CAMKK1: variants seen among roughly 807,000 people sequenced by gnomAD.
The protein encoded by CAMKK1 is calcium/calmodulin dependent protein kinase kinase 1.
In CAMKK1, 20 loss-of-function variants were observed where a neutral mutation model predicts 63.5. The observed-to-expected ratio is 0.32, with a 90% confidence interval of 0.22 to 0.46. CAMKK1 has a LOEUF of 0.46. CAMKK1 is among the 20% of genes least tolerant of loss of function. The pLI, the probability that CAMKK1 is intolerant of heterozygous loss-of-function variation, is 1.00. For synonymous variants in CAMKK1, 253 were observed against 269.0 expected, an observed-to-expected ratio of 0.94 and a Z score of 0.58; for missense variants, 588 against 658.1, an observed-to-expected ratio of 0.89 and a Z score of 1.17.
chr17:3,866,118 C>G (rs1348246515), intron 14 of CAMKK1, 107 bp from the exon 15 acceptor site: 4 of 1,316,700 alleles, frequency 3.0e-6, no homozygotes, highest in Non-Finnish European at 4.2e-6. Context: ...CAGTGCGGGT[C>G]CCATCTCAAT....
chr17:3,875,943 G>A (rs55880238), intron 10 of CAMKK1, among the ~76,000 whole-genome samples: 1 of 152,184 alleles, frequency 6.6e-6, no homozygotes, highest in Non-Finnish European at 1.5e-5. Flanking sequence ...CCAGAGGGCA[G>A]GAAACAGGGT....
At chr17:3,874,343 G>C (rs2055043356) in intron 10 of CAMKK1, among the ~76,000 whole-genome samples, 1 of 152,104 alleles carries the variant, frequency 6.6e-6, no homozygotes, top group South Asian at 2.1e-4. Context: ...CAGGACAACT[G>C]ATAACATTTA....
At chr17:3,880,886 A>G (rs2055382006) in intron 8 of CAMKK1, among the ~76,000 whole-genome samples, 1 of 151,930 alleles carries the variant, frequency 6.6e-6, no homozygotes, top group Non-Finnish European at 1.5e-5. Flanking sequence ...ACAGATATGG[A>G]TAGCAATAGA....
intron 10 of CAMKK1, among the ~76,000 whole-genome samples, chr17:3,875,409 G>C (rs552234909): frequency 6.6e-6 from 1 of 151,966 alleles, no homozygotes; most frequent in South Asian, 2.1e-4. Context: ...GGCCTCCCAA[G>C]TAGCTGGGAC....
Position 3,883,262 on chromosome 17 carries a change from C to A in CAMKK1, c.515-87G>T. 1 of 1,570,578 alleles carries A rather than the reference C, an allele frequency of 6.4e-7. No individual in the cohort carries two copies. Among genetic ancestry groups the A allele is most frequent in the South Asian group, 1.1e-5 (1 of 89,202 alleles). Reference sequence around the variant, plus strand: ...AAACCAGTCTCAAGCAAGAGTCTTGCATGCCCGTGGTCTTGTCCCAACCCA... The same window carrying A: ...AAACCAGTCTCAAGCAAGAGTCTTGAATGCCCGTGGTCTTGTCCCAACCCA... On this transcript the variant is annotated intron_variant, in intron 5 of 15. Coordinates refer to ENST00000348335, the MANE Select transcript of CAMKK1 (RefSeq NM_032294.3). The surrounding 1 kb of genome is among the most constrained non-coding windows in gnomAD (Gnocchi z 4.7).
intron 14 of CAMKK1, among the ~76,000 whole-genome samples, chr17:3,868,966 T>G (rs1662837832): frequency 6.8e-6 from 1 of 146,656 alleles, no homozygotes; most frequent in Non-Finnish European, 1.5e-5. Context: ...CTTTCTTTTC[T>G]TTTCTTCTTT....
At chr17:3,867,988 CA>C (rs67326164) in intron 14 of CAMKK1, among the ~76,000 whole-genome samples, 19,155 of 83,478 alleles carry the variant, frequency 0.23, 2,339 homozygotes, top group African/African-American at 0.32. Flanking sequence ...GAGATGCAGG[CA>C]CCGTCTAACT....
Position 3,884,436 on chromosome 17 carries a change from G to T in CAMKK1, c.361-9C>A, listed in dbSNP as rs773250718. On this transcript the variant is annotated splice_polypyrimidine_tract_variant and intron_variant, in intron 2 of 15. Transcript: ENST00000348335. The surrounding 1 kb of genome is among the most constrained non-coding windows in gnomAD (Gnocchi z 4.5). ...TTCAGCTGCACGCAGTCCTGTGGGG[G>T]AAGAGCGAGCACCAGGTGGAGCTGG... 1 of 1,612,820 alleles carries T rather than the reference G, an allele frequency of 6.2e-7. No individual in the cohort carries two copies.
chr17:3,883,968 G>A lies in CAMKK1; in HGVS notation c.409-31C>T, dbSNP rs370118392. ...GATAGGCATCAGTCAGCCCCACCTG[G>A]ACAGGGCAACCCCTCCCAGGACCAG... On this transcript the variant is annotated intron_variant, in intron 3 of 15. Coordinates refer to ENST00000348335, the MANE Select transcript of CAMKK1 (RefSeq NM_032294.3). The surrounding 1 kb of genome is among the most constrained non-coding windows in gnomAD (Gnocchi z 4.7). The A allele has an allele frequency of 6.8e-6, 11 of 1,611,030 alleles. No individual in the cohort carries two copies. In the African/African-American group the frequency reaches 1.5e-4, roughly 22 times the overall value.
At chr17:3,878,589 C>T (rs527480395) in intron 9 of CAMKK1, among the ~76,000 whole-genome samples, 11 of 152,218 alleles carry the variant, frequency 7.2e-5, no homozygotes, top group Admixed American at 1.3e-4. Context: ...CAAAGCCCTC[C>T]CCTCTGTGTG....
In CAMKK1 at chr17:3,869,479, T is replaced by C; in HGVS notation, c.1341+8A>G. On this transcript the variant is annotated splice_region_variant and intron_variant, in intron 14 of 15. Coordinates refer to ENST00000348335, the MANE Select transcript of CAMKK1 (RefSeq NM_032294.3). ...AGGACAAGGGAGCATCTACCCCGGCTCTCTTACCACCGTGGTCCAGCTGGG... is the reference window on the plus strand; with the variant it reads ...AGGACAAGGGAGCATCTACCCCGGCCCTCTTACCACCGTGGTCCAGCTGGG... The C allele has an allele frequency of 6.2e-7, 1 of 1,614,096 alleles. No individual in the cohort carries two copies. The highest frequency in any genetic ancestry group is 8.5e-7 in the Non-Finnish European group (1 of 1,179,996).
chr17:3,884,524 C>A lies in CAMKK1; in HGVS notation c.361-97G>T, dbSNP rs2055559199. On this transcript the variant is annotated intron_variant, in intron 2 of 15. Transcript: ENST00000348335. The surrounding 1 kb of genome is among the most constrained non-coding windows in gnomAD (Gnocchi z 4.5). Reference sequence around the variant, plus strand: ...CAGGGTCCAATTCTGGCCATAAGCTCCTCATTCCCGGACCCCCAGGTCTCA... The same window carrying A: ...CAGGGTCCAATTCTGGCCATAAGCTACTCATTCCCGGACCCCCAGGTCTCA... The A allele has an allele frequency of 3.1e-5, 36 of 1,178,422 alleles. 1 individual carries two copies. The South Asian group carries it at 5.2e-4, about 17-fold the overall frequency. 73.0% of individuals were successfully genotyped at this position (1,178,422 alleles called of 1,614,324 possible).
intron 12 of CAMKK1, among the ~76,000 whole-genome samples, chr17:3,871,347 GTTTTTTTTTTT>G (rs869219931): frequency 0.14 from 14,183 of 105,018 alleles, 1,354 homozygotes; most frequent in East Asian, 0.36. Flanking sequence ...TTTTTTTTTT[GTTTTTTTTTTT>G]TTTTTTTTTT....
rs1010292182 is a variant in CAMKK1, at chr17:3,865,438, A to G, written c.1445+470T>C. Reference sequence around the variant, plus strand: ...CCTGGGCCACTTGGGAGAGCAGCCAACAGTCCCCAGGGCCAGGCAGAGGGG... The same window carrying G: ...CCTGGGCCACTTGGGAGAGCAGCCAGCAGTCCCCAGGGCCAGGCAGAGGGG... On this transcript the variant is annotated intron_variant, in intron 15 of 15. Coordinates refer to ENST00000348335, the MANE Select transcript of CAMKK1 (RefSeq NM_032294.3). The G allele has an allele frequency of 9.1e-6, 9 of 993,448 alleles. No individual in the cohort carries two copies. In the African/African-American group the frequency reaches 1.4e-4, roughly 15 times the overall value. The allele number at this position is 993,448 out of a possible 1,614,324, so 61.5% of individuals were successfully genotyped here.
Position 3,881,625 on chromosome 17 carries a change from A to AC in CAMKK1, c.707+1dup. The AC allele has an allele frequency of 1.3e-5, 21 of 1,569,836 alleles. No homozygotes were observed. Among genetic ancestry groups the AC allele is most frequent in the Non-Finnish European group, 1.8e-5 (21 of 1,155,486 alleles). ...CCTGCCTGATCAGGACGGGGAACTC[A>AC]CCCCTTTCTCAGGAGGTCAAACACT... On this transcript the variant is annotated splice_donor_variant, in intron 8 of 15. Coordinates refer to ENST00000348335, the MANE Select transcript of CAMKK1 (RefSeq NM_032294.3). LOFTEE classifies it high-confidence loss of function.
intron 14 of CAMKK1, among the ~76,000 whole-genome samples, chr17:3,866,764 G>T (rs2054543524): frequency 6.6e-6 from 1 of 152,036 alleles, no homozygotes; most frequent in Admixed American, 6.5e-5. Context: ...TGTTGCCCAG[G>T]GCTGGAGTGC....
At chr17:3,888,220 A>T (rs1438433362) in intron 1 of CAMKK1, among the ~76,000 whole-genome samples, 2 of 152,122 alleles carry the variant, frequency 1.3e-5, no homozygotes, top group African/African-American at 4.8e-5. Context: ...CGGGCCCATA[A>T]AATTTGCGTA....
intron 1 of CAMKK1, among the ~76,000 whole-genome samples, chr17:3,886,223 C>T (rs1382901663): frequency 6.6e-6 from 1 of 152,214 alleles, no homozygotes; most frequent in Non-Finnish European, 1.5e-5. Flanking sequence ...CCCGCCTCCT[C>T]CAGGGAGCCC....
chr17:3,892,547 T>C lies in CAMKK1; in HGVS notation c.-44+392A>G, dbSNP rs976977007. 6.6e-6 allele frequency among the ~76,000 whole-genome samples: 1 copy of C among 151,848 alleles called. No individual in the cohort carries two copies. The highest frequency in any genetic ancestry group is 2.4e-5 in the African/African-American group (1 of 41,332). On this transcript the variant is annotated intron_variant, in intron 1 of 15. Transcript: ENST00000348335. This position sits in a 1 kb window ranked among gnomAD's most constrained non-coding sequence, Gnocchi z 7.5. ...TGCAGGAAGACGCTCCGGCGGGCCG[T>C]GGGAGGAGCGCTCCGCGGAGAACCG...
Sources: gnomAD v4.1 joint callset for allele counts (sites outside exome capture counted in the v4.1 genomes callset) on GRCh38, gnomAD v4.1.1 for gene constraint, Gnocchi (gnomAD v3.1) non-coding constraint, MANE v1.5 for transcripts, NCBI Gene and HGNC (gene_info 2026-07-23, HGNC 2026-07-21) for gene names.